SCIN: variants seen among roughly 807,000 people sequenced by gnomAD.
SCIN encodes adseverin.
In SCIN, 91 loss-of-function variants were observed where a neutral mutation model predicts 91.8. The ratio of observed to expected loss-of-function variants is 0.99; its 90% CI spans 0.84 to 1.18. The LOEUF (loss-of-function observed/expected upper bound fraction) is 1.18. Among genes scored for constraint, SCIN ranks in the 50% most tolerant of loss-of-function variants. SCIN has a pLI of 0.00. For synonymous variants in SCIN, 367 were observed against 312.6 expected (o/e 1.17, Z -1.84); for missense variants, 1,087 against 863.9 (o/e 1.26, Z -3.24).
intron 8 of SCIN, among the ~76,000 whole-genome samples, chr7:12,628,693 G>A (rs936406361): frequency 3.3e-5 from 5 of 151,802 alleles, no homozygotes; most frequent in African/African-American, 9.7e-5. Context: ...ATAATAGTCC[G>A]CTATCTTAAA....
intron 10 of SCIN, among the ~76,000 whole-genome samples, chr7:12,636,430 T>G (rs1460732923): frequency 2.6e-5 from 4 of 152,062 alleles, no homozygotes; most frequent in Non-Finnish European, 4.4e-5. Context: ...ATTAAAACGG[T>G]TTTATCTGTA....
chr7:12,584,463 A>G (rs901979774), intron 3 of SCIN, among the ~76,000 whole-genome samples: 3 of 152,242 alleles, frequency 2.0e-5, no homozygotes, highest in South Asian at 2.1e-4. Flanking sequence ...CACTATTATT[A>G]ATATGTTATT....
chr7:12,573,725 A>G, intron 1 of SCIN, among the ~76,000 whole-genome samples: 1 of 152,094 alleles, frequency 6.6e-6, no homozygotes, highest in East Asian at 1.9e-4. Flanking sequence ...CACATCCCTA[A>G]CCTAAGGTAC....
chr7:12,597,167 A>G (rs1782860533), intron 3 of SCIN, among the ~76,000 whole-genome samples: 1 of 152,212 alleles, frequency 6.6e-6, no homozygotes, highest in Non-Finnish European at 1.5e-5. Flanking sequence ...CAAAAACGAG[A>G]TGTCATATTT....
rs1231170014 is a variant in SCIN, at chr7:12,607,471, G to A, written c.666+2808G>A. On this transcript the variant is annotated intron_variant, in intron 4 of 15. Coordinates refer to ENST00000297029, the MANE Select transcript of SCIN (RefSeq NM_001112706.3). ...CACTGTAAAATTAAAATAAGAAAAA[G>A]CAAATGAAGAAAAACTGTGCAAAAA... is the stretch of plus-strand genomic sequence containing the variant. Among the ~76,000 whole-genome samples the A allele has an allele frequency of 3.9e-5, 6 of 152,274 alleles. No individual in the cohort carries two copies. The South Asian group carries it at 1.0e-3, about 26-fold the overall frequency.
At chr7:12,608,853 C>T (rs745606699) in intron 4 of SCIN, among the ~76,000 whole-genome samples, 4 of 152,120 alleles carry the variant, frequency 2.6e-5, no homozygotes, top group East Asian at 1.9e-4. Flanking sequence ...TTGAAAGTCT[C>T]TCTATGTGAA....
intron 10 of SCIN, among the ~76,000 whole-genome samples, chr7:12,636,411 C>A: frequency 6.6e-6 from 1 of 152,150 alleles, no homozygotes; most frequent in South Asian, 2.1e-4. Flanking sequence ...TCAATGATAG[C>A]CTCTTGACAT....
intron 13 of SCIN, 81 bp downstream of exon 13, chr7:12,644,786 C>T (rs1357289555): frequency 2.1e-6 from 3 of 1,398,708 alleles, no homozygotes; most frequent in African/African-American, 2.9e-5. Context: ...GAGGCCGAGG[C>T]AGGCAGATCA....
rs1784088733 is a variant in SCIN at position 12,651,984 on chromosome 7, T to A, written c.2020+83T>A. 2 of 865,156 alleles carry A rather than the reference T, an allele frequency of 2.3e-6. No homozygotes were observed. The highest frequency in any genetic ancestry group is 3.2e-5 in the South Asian group (2 of 61,648). The allele number at this position is 865,156 out of a possible 1,614,324, so 53.6% of individuals were successfully genotyped here. A position where few individuals can be genotyped will look rare whatever the true frequency, so the allele number is the denominator to read the frequency against. Reference sequence around the variant, plus strand: ...CTGGCTTGCTCTTTGCCACCATGTCTTACAAAAATACATTTCAAAATCAAG... The same window carrying A: ...CTGGCTTGCTCTTTGCCACCATGTCATACAAAAATACATTTCAAAATCAAG... On this transcript the variant is annotated intron_variant, in intron 15 of 15. Transcript: ENST00000297029. This position sits in a 1 kb window ranked among gnomAD's most constrained non-coding sequence, Gnocchi z 5.9.
At chr7:12,650,621 C>T (rs528936121) in intron 14 of SCIN, among the ~76,000 whole-genome samples, 1 of 152,186 alleles carries the variant, frequency 6.6e-6, no homozygotes, top group South Asian at 2.1e-4. Flanking sequence ...ATTGCTCTGC[C>T]ACAAGTGATT....
intron 4 of SCIN, among the ~76,000 whole-genome samples, chr7:12,619,484 A>T (rs1173258610): frequency 6.6e-6 from 1 of 152,160 alleles, no homozygotes; most frequent in African/African-American, 2.4e-5. Context: ...TTTATCTGAA[A>T]ATACAAATTT....
At chr7:12,597,346 G>A (rs1782864469) in intron 3 of SCIN, among the ~76,000 whole-genome samples, 1 of 152,190 alleles carries the variant, frequency 6.6e-6, no homozygotes, top group African/African-American at 2.4e-5. Context: ...ATAGATGCCA[G>A]GAAGAGGAAG....
At chr7:12,575,515 G>A (rs935644976) in intron 1 of SCIN, among the ~76,000 whole-genome samples, 1 of 151,970 alleles carries the variant, frequency 6.6e-6, no homozygotes, top group Non-Finnish European at 1.5e-5. Context: ...GTTGGAAGGT[G>A]TTCCTCTCTA....
At position 12,635,611 on chromosome 7, in the gene SCIN, CAAAAA is replaced by C. The variant is rs59324421; in HGVS notation, c.1320-407_1320-403del. 1.4e-3 allele frequency among the ~76,000 whole-genome samples: 8 copies of C among 5,856 alleles called. No homozygotes were observed. The Admixed American group carries it at 0.021, about 16-fold the overall frequency. 3.8% of individuals were successfully genotyped at this position (5,856 alleles called of 152,430 possible). Reference sequence around the variant, plus strand: ...CGGGCGACAGTGCAGGACTCCGTCTCAAAAAAAAAAAAAAAAAAAAAAAAAAAAAA... The same window carrying C: ...CGGGCGACAGTGCAGGACTCCGTCTCAAAAAAAAAAAAAAAAAAAAAAAAA... On this transcript the variant is annotated intron_variant, in intron 9 of 15. Coordinates refer to ENST00000297029, the MANE Select transcript of SCIN (RefSeq NM_001112706.3).
At chr7:12,638,956 A>G (rs565769955) in intron 10 of SCIN, among the ~76,000 whole-genome samples, 1 of 152,316 alleles carries the variant, frequency 6.6e-6, no homozygotes, top group Non-Finnish European at 1.5e-5. Flanking sequence ...ATAGTACTAT[A>G]TTTGATGCAC....
rs772427481 is a variant in SCIN, at chr7:12,625,884, A to G, written c.981+34A>G. 8 of 1,494,036 alleles carry G rather than the reference A, an allele frequency of 5.4e-6. No individual in the cohort carries two copies. In the East Asian group the frequency reaches 1.8e-4, roughly 34 times the overall value. The allele number at this position is 1,494,036 out of a possible 1,614,324, so 92.5% of individuals were successfully genotyped here. On this transcript the variant is annotated intron_variant, in intron 7 of 15. Coordinates refer to ENST00000297029, the MANE Select transcript of SCIN (RefSeq NM_001112706.3). ...GAAACTGAACTGGCTAGAAAAAAAT[A>G]GAAAACATTGGAGCTCATGACATCT...
Position 12,658,824 on chromosome 7 carries a change from C to T in SCIN, c.*6109C>T, listed in dbSNP as rs141449738. On this transcript the variant is annotated 3_prime_UTR_variant, in exon 16 of 16. Coordinates refer to ENST00000297029, the MANE Select transcript of SCIN (RefSeq NM_001112706.3). ...AAGTTGGGCAACTCATGGAATATTA[C>T]GAGTAGAAATTGTAATTACTGTAGA... The T allele has an allele frequency of 7.2e-5, 11 of 152,250 alleles. No individual in the cohort carries two copies. Among genetic ancestry groups the T allele is most frequent in the East Asian group, 1.9e-4 (1 of 5,190 alleles). The allele number at this position is 152,250 out of a possible 1,614,324, so 9.4% of individuals were successfully genotyped here.
chr7:12,617,067 T>C (rs1017864688), intron 4 of SCIN, among the ~76,000 whole-genome samples: 3 of 152,080 alleles, frequency 2.0e-5, no homozygotes, highest in Non-Finnish European at 4.4e-5. Context: ...AAAGTGTAAG[T>C]CCATGAGGAG....
chr7:12,638,138 C>A (rs1251308162), intron 10 of SCIN, among the ~76,000 whole-genome samples: 4 of 152,140 alleles, frequency 2.6e-5, no homozygotes, highest in African/African-American at 9.7e-5. Context: ...TTTTTAGATT[C>A]CCTTACTGTA....
Sources: allele counts gnomAD v4.1 joint callset (sites outside exome capture counted in the v4.1 genomes callset), GRCh38; gene constraint gnomAD v4.1.1; non-coding constraint Gnocchi (gnomAD v3.1); transcripts MANE v1.5; gene names NCBI Gene and HGNC (gene_info 2026-07-23, HGNC 2026-07-21).